ANKRD10: variants seen among roughly 807,000 people sequenced by gnomAD.
ANKRD10 encodes ankyrin repeat domain-containing protein 10.
ANKRD10 carries 14 observed loss-of-function variants against 27.0 expected under a neutral mutation model. The observed-to-expected ratio is 0.52, with a 90% CI of 0.34 to 0.81. The LOEUF (loss-of-function observed/expected upper bound fraction) is 0.81. Among genes scored for constraint, ANKRD10 ranks in the 40% least tolerant of loss-of-function variants. The pLI, the probability that ANKRD10 is intolerant of heterozygous loss-of-function variation, is 0.01. For synonymous variants in ANKRD10, 250 were observed against 224.5 expected, an observed-to-expected ratio of 1.11 and a Z score of -1.01; for missense variants, 493 against 544.0, an observed-to-expected ratio of 0.91 and a Z score of 0.93.
Position 110,893,153 on chromosome 13 carries a change from T to C in ANKRD10, c.566A>G (p.Tyr189Cys), listed in dbSNP as rs376221649. The C allele has an allele frequency of 1.9e-5, 31 of 1,614,118 alleles. No individual in the cohort carries two copies. The highest frequency in any genetic ancestry group is 2.2e-5 in the Non-Finnish European group (26 of 1,180,042). Residue 189 changes from tyrosine to cysteine, a missense_variant, in exon 4 of 6, where the codon TAT becomes TGT. Physicochemically the swap from Tyr to Cys is radical, Grantham distance 194. Transcript: ENST00000267339. The part of the protein sequence containing the change: ...NLQNCHLNHF[Y>C]NNGILNGGHQ... ...ACCCCCATTTAAGATGCCATTGTTATAGAAATGGTTCAGATGACAATTCTG... is the reference window on the plus strand; with the variant it reads ...ACCCCCATTTAAGATGCCATTGTTACAGAAATGGTTCAGATGACAATTCTG...
Position 110,892,415 on chromosome 13 carries a change from G to GAAAAAAAAAAAAAAAAAAAAAA in ANKRD10, c.691+612_691+613insTTTTTTTTTTTTTTTTTTTTTT, listed in dbSNP as rs1381734881. On this transcript the variant is annotated intron_variant, in intron 4 of 5. Coordinates refer to ENST00000267339, the MANE Select transcript of ANKRD10 (RefSeq NM_017664.4). ...ATTGCACTCCAGCCTGGGTGACAGAGCAAAAAAAAAAAAAAAAAAAATGGT... is the reference window on the plus strand; with the variant it reads ...ATTGCACTCCAGCCTGGGTGACAGAGAAAAAAAAAAAAAAAAAAAAAACAAAAAAAAAAAAAAAAAAAATGGT... Among the ~76,000 whole-genome samples the GAAAAAAAAAAAAAAAAAAAAAA allele has an allele frequency of 1.9e-3, 5 of 2,572 alleles. 1 individual carries two copies. The highest frequency in any genetic ancestry group is 0.1 in the East Asian group (1 of 10). 1.7% of individuals were successfully genotyped at this position (2,572 alleles called of 152,430 possible).
intron 2 of ANKRD10, among the ~76,000 whole-genome samples, chr13:110,906,751 G>A (rs1259456876): frequency 6.6e-6 from 1 of 152,024 alleles, no homozygotes; most frequent in Non-Finnish European, 1.5e-5. Flanking sequence ...AGAGGAAAGG[G>A]AGAAGAACAC....
intron 3 of ANKRD10, among the ~76,000 whole-genome samples, chr13:110,904,577 G>A (rs912139500): frequency 6.6e-6 from 1 of 152,112 alleles, no homozygotes; most frequent in African/African-American, 2.4e-5. Flanking sequence ...ATTTAATCAT[G>A]TTATGACTCC....
rs561574730 is a variant in ANKRD10 at position 110,909,249 on chromosome 13, G to A, written c.363+1369C>T. Among the ~76,000 whole-genome samples, 3 of 152,264 alleles carry A rather than the reference G, an allele frequency of 2.0e-5. No individual in the cohort carries two copies. The South Asian group carries it at 6.2e-4, about 32-fold the overall frequency. Reference sequence around the variant, plus strand: ...CTTAAATTCCATACTATTAATTACTGCCATTCATGGAATTATTAACTGTAT... The same window carrying A: ...CTTAAATTCCATACTATTAATTACTACCATTCATGGAATTATTAACTGTAT... On this transcript the variant is annotated intron_variant, in intron 2 of 5. Transcript: ENST00000267339.
chr13:110,900,380 TTC>T (rs1477683671), intron 3 of ANKRD10: 10 of 365,250 alleles, frequency 2.7e-5, no homozygotes, highest in Admixed American at 6.2e-5. Context: ...TAAATAATAT[TTC>T]TGTTAAAATT....
Position 110,914,815 on chromosome 13 carries a change from C to T in ANKRD10, c.120G>A (p.Ser40=). Reference sequence around the variant, plus strand: ...GGGCGTGGGGTGTCTGCTGCAGCAGCGAGCAGAGCGTGGCCAGGTCCCCGT... The same window carrying T: ...GGGCGTGGGGTGTCTGCTGCAGCAGTGAGCAGAGCGTGGCCAGGTCCCCGT... ...CRDGDLATLC[S]LLQQTPHAHL... Residue 40 remains serine (S), a synonymous_variant, in exon 1 of 6, where the codon TCG becomes TCA. Coordinates refer to ENST00000267339, the MANE Select transcript of ANKRD10 (RefSeq NM_017664.4). The T allele has an allele frequency of 1.3e-6, 2 of 1,590,286 alleles. No homozygotes were observed. Among genetic ancestry groups the T allele is most frequent in the Non-Finnish European group, 1.7e-6 (2 of 1,169,294 alleles).
intron 1 of ANKRD10, 152 bp from the exon 2 acceptor site, chr13:110,910,922 T>C (rs2065681990): frequency 1.0e-5 from 8 of 776,266 alleles, no homozygotes; most frequent in Non-Finnish European, 1.6e-5. Context: ...CCATGCAAAT[T>C]TTAAAGGACA....
At chr13:110,894,889 C>A (rs1000197587) in intron 3 of ANKRD10, 1 of 152,012 alleles carries the variant, frequency 6.6e-6, no homozygotes, top group Non-Finnish European at 1.5e-5. Flanking sequence ...ATACTTTGTA[C>A]AAAATCAGAT....
At position 110,914,970 on chromosome 13, in the gene ANKRD10, A is replaced by G. The variant is rs758880267; in HGVS notation, c.-36T>C. 5 of 1,517,362 alleles carry G rather than the reference A, an allele frequency of 3.3e-6. No individual in the cohort carries two copies. Among genetic ancestry groups the G allele is most frequent in the Non-Finnish European group, 4.4e-6 (5 of 1,137,672 alleles). 94.0% of individuals were successfully genotyped at this position (1,517,362 alleles called of 1,614,324 possible). On this transcript the variant is annotated 5_prime_UTR_variant, in exon 1 of 6. Transcript: ENST00000267339. ...CGGAGAGCGCGGGGCTCGCTGGCCT[A>G]GAGGACGCGTCGGGGAGGACTCGAG...
intron 2 of ANKRD10, among the ~76,000 whole-genome samples, chr13:110,906,587 C>T (rs924604726): frequency 6.6e-6 from 1 of 152,204 alleles, no homozygotes; most frequent in Non-Finnish European, 1.5e-5. Flanking sequence ...CCCGAGTCAA[C>T]ATCATCAATG....
intron 2 of ANKRD10, 68 bp from the exon 3 acceptor site, chr13:110,906,192 C>G: frequency 8.1e-7 from 1 of 1,228,422 alleles, no homozygotes; most frequent in African/African-American, 1.5e-5. Flanking sequence ...GAAGTAATGT[C>G]ATTAACACAG....
At chr13:110,906,274 C>A in intron 2 of ANKRD10, 150 bp from the exon 3 acceptor site, 1 of 646,090 alleles carries the variant, frequency 1.5e-6, no homozygotes, top group Non-Finnish European at 2.6e-6. Flanking sequence ...ACAAAGAAAT[C>A]TATACGTGAA....
chr13:110,900,131 T>G (rs1213131129), intron 3 of ANKRD10, among the ~76,000 whole-genome samples: 1 of 152,172 alleles, frequency 6.6e-6, no homozygotes, highest in Non-Finnish European at 1.5e-5. Context: ...CCTAAAGAAC[T>G]TTAAAAATTA....
intron 3 of ANKRD10, among the ~76,000 whole-genome samples, chr13:110,897,152 A>G (rs1418952728): frequency 6.6e-6 from 1 of 152,070 alleles, no homozygotes; most frequent in African/African-American, 2.4e-5. Context: ...AAAGAGACAG[A>G]GTATCTCCCT....
chr13:110,914,735 T>G lies in ANKRD10; in HGVS notation c.200A>C (p.His67Pro). Residue 67 changes from histidine to proline, a missense_variant, in exon 1 of 6, where the codon CAT becomes CCT. Coordinates refer to ENST00000267339, the MANE Select transcript of ANKRD10 (RefSeq NM_017664.4). The part of the protein sequence containing the change: ...YGWTPVHWAA[H>P]FGKLECLVQL... ...AGCGTTCGCACCCACCTTGCCGAAA[T>G]GCGCGGCCCAGTGCACGGGCGTCCA... The G allele has an allele frequency of 6.3e-7, 1 of 1,586,004 alleles. No individual in the cohort carries two copies. Among genetic ancestry groups the G allele is most frequent in the Non-Finnish European group, 8.6e-7 (1 of 1,167,040 alleles).
chr13:110,894,094 G>C, intron 3 of ANKRD10: 3 of 1,557,410 alleles, frequency 1.9e-6, no homozygotes, highest in Non-Finnish European at 2.7e-6. Flanking sequence ...AATAGAGTAA[G>C]TTGAACTTGT....
intron 1 of ANKRD10, among the ~76,000 whole-genome samples, chr13:110,911,408 C>T (rs1566498377): frequency 6.6e-6 from 1 of 152,064 alleles, no homozygotes; most frequent in East Asian, 1.9e-4. Context: ...GCTGAGATCA[C>T]GCCACTGCAC....
intron 3 of ANKRD10, chr13:110,899,117 T>C (rs2065313576): frequency 1.3e-5 from 2 of 152,164 alleles, no homozygotes; most frequent in South Asian, 2.1e-4. Context: ...CTTAGTGTAT[T>C]ACATGACCAT....
At chr13:110,893,720 A>G (rs1281080556) in intron 3 of ANKRD10, among the ~76,000 whole-genome samples, 1 of 152,256 alleles carries the variant, frequency 6.6e-6, no homozygotes, top group African/African-American at 2.4e-5. Context: ...CCAACGAGCC[A>G]GCCTTCATGC....
Sources: allele counts gnomAD v4.1 joint callset (sites outside exome capture counted in the v4.1 genomes callset), GRCh38; gene constraint gnomAD v4.1.1; transcripts MANE v1.5; gene names NCBI Gene and HGNC (gene_info 2026-07-23, HGNC 2026-07-21).